Variants in SOCS2 observed in about 807,000 individuals in gnomAD.
SOCS2 encodes suppressor of cytokine signaling 2.
In SOCS2, 10 loss-of-function variants were observed where a neutral mutation model predicts 18.6. The observed-to-expected ratio is 0.54, with a 90% CI of 0.33 to 0.91. SOCS2 has a LOEUF of 0.91. SOCS2 is among the 40% of genes least tolerant of loss of function. SOCS2 has a pLI of 0.02. For synonymous variants in SOCS2, 104 were observed against 104.0 expected (o/e 1.00, Z 0.00); for missense variants, 231 against 247.2 (o/e 0.93, Z 0.44).
At chr12:93,622,800 C>T in the SOCS2 span, among the ~76,000 whole-genome samples, 1 of 152,132 alleles carries the variant, frequency 6.6e-6, no homozygotes, top group Non-Finnish European at 1.5e-5. Context: ...AGCACACACA[C>T]CCAGCTTCCT....
At chr12:93,614,428 TC>T in the SOCS2 span, among the ~76,000 whole-genome samples, 3 of 75,486 alleles carry the variant, frequency 4.0e-5, no homozygotes, top group African/African-American at 1.4e-4. Context: ...TTCCTTTCTT[TC>T]CCTTCCTTCC....
the SOCS2 span, among the ~76,000 whole-genome samples, chr12:93,618,612 C>G: frequency 6.6e-6 from 1 of 152,172 alleles, no homozygotes; most frequent in East Asian, 1.9e-4. Context: ...ATGTATGCCT[C>G]TACTGCCTAA....
At chr12:93,579,151 G>A (rs11107114), downstream of SOCS2, among the ~76,000 whole-genome samples, 32,885 of 152,104 alleles carry the variant, frequency 0.22, 4,114 homozygotes, top group East Asian at 0.43. Flanking sequence ...GCGACTGCCC[G>A]CCCTCCCATC....
intron 1 of SOCS2, chr12:93,574,132 G>C (rs759378496): frequency 2.6e-5 from 4 of 151,762 alleles, no homozygotes; most frequent in Admixed American, 2.6e-4. Context: ...TTGTACTAGA[G>C]CTGTGCTTTT....
the SOCS2 span, among the ~76,000 whole-genome samples, chr12:93,598,381 C>T: frequency 6.6e-6 from 1 of 152,064 alleles, no homozygotes; most frequent in Admixed American, 6.5e-5. Context: ...AAAGAGATGG[C>T]ACCGAGGAGT....
At chr12:93,616,367 G>T in the SOCS2 span, among the ~76,000 whole-genome samples, 1 of 152,204 alleles carries the variant, frequency 6.6e-6, no homozygotes, top group Non-Finnish European at 1.5e-5. Flanking sequence ...TCTTGGTTTG[G>T]CACTGAGGTC....
chr12:93,580,743 C>T (rs1954528831), downstream of SOCS2, among the ~76,000 whole-genome samples: 1 of 151,922 alleles, frequency 6.6e-6, no homozygotes, highest in Non-Finnish European at 1.5e-5. Flanking sequence ...CTTGACCCAT[C>T]TTAGGTTTCC....
the SOCS2 span, among the ~76,000 whole-genome samples, chr12:93,614,470 CCTT>C: frequency 4.5e-4 from 40 of 89,876 alleles, 3 homozygotes; most frequent in African/African-American, 2.3e-3. Context: ...TTCCTTCCTT[CCTT>C]CCTTCCTTTC....
chr12:93,576,781 G>C (rs1394526253), downstream of SOCS2: 3 of 152,326 alleles, frequency 2.0e-5, no homozygotes, highest in Middle Eastern at 3.4e-3. Context: ...GTTGAAAAAT[G>C]GTTTTGTGCC....
At chr12:93,624,115 G>T in the SOCS2 span, among the ~76,000 whole-genome samples, 31 of 152,150 alleles carry the variant, frequency 2.0e-4, no homozygotes, top group Non-Finnish European at 4.1e-4. Context: ...CTTGTAAAAG[G>T]TCTGGAGGAA....
At chr12:93,614,529 T>TTTCTTTC in the SOCS2 span, among the ~76,000 whole-genome samples, 1 of 93,160 alleles carries the variant, frequency 1.1e-5, no homozygotes, top group African/African-American at 5.6e-5. Flanking sequence ...CCTTCCTTCC[T>TTTCTTTC]TCCTTCCTTC....
chr12:93,604,964 A>ATT, the SOCS2 span, among the ~76,000 whole-genome samples: 12 of 142,686 alleles, frequency 8.4e-5, no homozygotes, highest in African/African-American at 3.1e-4. Flanking sequence ...GCCGGCCTGG[A>ATT]TTTTTTTTTT....
At chr12:93,592,585 AG>A in the SOCS2 span, among the ~76,000 whole-genome samples, 1 of 152,218 alleles carries the variant, frequency 6.6e-6, no homozygotes, top group Non-Finnish European at 1.5e-5. Flanking sequence ...CATTCCCAAA[AG>A]GTTGTTCCCA....
chr12:93,623,311 A>G, the SOCS2 span, among the ~76,000 whole-genome samples: 1 of 152,162 alleles, frequency 6.6e-6, no homozygotes, highest in African/African-American at 2.4e-5. Flanking sequence ...CATGATTATA[A>G]GTTTCCTGAG....
downstream of SOCS2, among the ~76,000 whole-genome samples, chr12:93,577,901 G>A (rs1954489477): frequency 6.6e-6 from 1 of 152,146 alleles, no homozygotes; most frequent in South Asian, 2.1e-4. Context: ...CCTCACCAAA[G>A]CCTGGAAGAA....
the SOCS2 span, among the ~76,000 whole-genome samples, chr12:93,615,916 G>A: frequency 6.6e-6 from 1 of 152,180 alleles, no homozygotes; most frequent in Non-Finnish European, 1.5e-5. Flanking sequence ...AAGTAGAAAG[G>A]ACCTTAGAGG....
chr12:93,613,687 G>A, the SOCS2 span, among the ~76,000 whole-genome samples: 2 of 152,202 alleles, frequency 1.3e-5, no homozygotes, highest in African/African-American at 4.8e-5. Context: ...ACAGCATGCT[G>A]AATATAGTTA....
the SOCS2 span, among the ~76,000 whole-genome samples, chr12:93,618,513 C>T: frequency 6.6e-6 from 1 of 152,146 alleles, no homozygotes; most frequent in South Asian, 2.1e-4. Flanking sequence ...AGCTGCCCAC[C>T]ACCCTTCCCC....
At chr12:93,621,224 G>T in the SOCS2 span, among the ~76,000 whole-genome samples, 1 of 152,122 alleles carries the variant, frequency 6.6e-6, no homozygotes, top group Admixed American at 6.5e-5. Flanking sequence ...GACAACTTTT[G>T]TTAGTATTTA....
Sources: gnomAD v4.1 joint callset for allele counts (sites outside exome capture counted in the v4.1 genomes callset) on GRCh38, gnomAD v4.1.1 for gene constraint, MANE v1.5 for transcripts, NCBI Gene and HGNC (gene_info 2026-07-23, HGNC 2026-07-21) for gene names.